SORCS3: variants seen among roughly 807,000 people sequenced by gnomAD.
SORCS3 encodes sortilin related VPS10 domain containing receptor 3.
SORCS3 carries 57 observed loss-of-function variants against 146.3 expected under a neutral mutation model. The ratio of observed to expected loss-of-function variants is 0.39; its 90% CI spans 0.31 to 0.49. The LOEUF is 0.49. SORCS3 is among the 20% of genes least tolerant of loss of function. The pLI, the probability that SORCS3 is intolerant of heterozygous loss-of-function variation, is 0.92. For missense variants in SORCS3, 1,341 were observed against 1,575.5 expected, an observed-to-expected ratio of 0.85 and a Z score of 2.52; for synonymous variants, 653 against 618.5, an observed-to-expected ratio of 1.06 and a Z score of -0.83.
chr10:104,719,995 C>CT (rs2016525939), intron 1 of SORCS3, among the ~76,000 whole-genome samples: 1 of 149,882 alleles, frequency 6.7e-6, no homozygotes, highest in Non-Finnish European at 1.5e-5. Context: ...TTTTTTTATA[C>CT]TTTAAGTTTT....
intron 2 of SORCS3, among the ~76,000 whole-genome samples, chr10:104,912,010 C>A (rs2018974265): frequency 6.6e-6 from 1 of 152,210 alleles, no homozygotes; most frequent in Non-Finnish European, 1.5e-5. Context: ...CTCTCCTCTG[C>A]CTCTGATAAA....
intron 3 of SORCS3, among the ~76,000 whole-genome samples, chr10:104,963,602 T>C (rs1238228098): frequency 6.6e-6 from 1 of 152,158 alleles, no homozygotes; most frequent in African/African-American, 2.4e-5. Context: ...CAGATTCATG[T>C]CTTTAAGTGT....
chr10:104,923,224 C>A (rs188929248), intron 3 of SORCS3, among the ~76,000 whole-genome samples: 110 of 152,308 alleles, frequency 7.2e-4, no homozygotes, highest in Non-Finnish European at 1.3e-3. Flanking sequence ...TTTGCAGTAC[C>A]ATGTGATGAT....
chr10:104,646,185 C>T (rs1444713922), intron 1 of SORCS3, among the ~76,000 whole-genome samples: 1 of 152,202 alleles, frequency 6.6e-6, no homozygotes, highest in Non-Finnish European at 1.5e-5. Context: ...TCAGTGATTT[C>T]TCTGATGGCT....
intron 1 of SORCS3, among the ~76,000 whole-genome samples, chr10:104,779,669 T>A (rs2017350425): frequency 6.6e-6 from 1 of 152,134 alleles, no homozygotes; most frequent in Non-Finnish European, 1.5e-5. Context: ...CCCTTAGATG[T>A]TGATCCTGCA....
chr10:105,264,481 G>C lies in SORCS3; in HGVS notation c.*1107G>C, dbSNP rs2056980116. 6.6e-6 allele frequency: 1 copy of C among 152,312 alleles called. No individual in the cohort carries two copies. The highest frequency in any genetic ancestry group is 2.1e-4 in the South Asian group (1 of 4,828). 9.4% of individuals were successfully genotyped at this position (152,312 alleles called of 1,614,324 possible). On this transcript the variant is annotated 3_prime_UTR_variant, in exon 27 of 27. Transcript: ENST00000369701. ...CTCAGAAAAGTCCCCTGGGCACTAG[G>C]TAAAGCCCAGTGAATGTCTCTTGGC...
intron 1 of SORCS3, among the ~76,000 whole-genome samples, chr10:104,760,353 A>G (rs1406546981): frequency 6.6e-6 from 1 of 152,226 alleles, no homozygotes; most frequent in African/African-American, 2.4e-5. Flanking sequence ...CCTGTTAATC[A>G]AACATTATTA....
chr10:104,669,775 T>C (rs965375969), intron 1 of SORCS3, among the ~76,000 whole-genome samples: 1 of 152,204 alleles, frequency 6.6e-6, no homozygotes, highest in Non-Finnish European at 1.5e-5. Flanking sequence ...GTGGAATTGC[T>C]ATATTATATT....
At chr10:104,678,086 CAATT>C (rs1208417182) in intron 1 of SORCS3, among the ~76,000 whole-genome samples, 1 of 152,022 alleles carries the variant, frequency 6.6e-6, no homozygotes, top group Non-Finnish European at 1.5e-5. Context: ...GGCCTTCAAA[CAATT>C]AAACAATTGT....
intron 1 of SORCS3, among the ~76,000 whole-genome samples, chr10:104,729,280 G>A (rs2016679472): frequency 6.6e-6 from 1 of 152,160 alleles, no homozygotes. Context: ...CATTTGAAAA[G>A]TCTCTCTAGA....
intron 1 of SORCS3, among the ~76,000 whole-genome samples, chr10:104,781,932 A>G (rs1307895753): frequency 6.6e-6 from 1 of 152,162 alleles, no homozygotes; most frequent in Non-Finnish European, 1.5e-5. Flanking sequence ...AAGAATGGAG[A>G]TGGAATTAAG....
intron 1 of SORCS3, among the ~76,000 whole-genome samples, chr10:104,810,223 T>A (rs1386786528): frequency 6.6e-6 from 1 of 152,228 alleles, no homozygotes; most frequent in Non-Finnish European, 1.5e-5. Flanking sequence ...AATAGGAGTA[T>A]CTGTTGTAAG....
chr10:104,785,740 C>A (rs529848153), intron 1 of SORCS3, among the ~76,000 whole-genome samples: 1 of 152,208 alleles, frequency 6.6e-6, no homozygotes, highest in South Asian at 2.1e-4. Flanking sequence ...CCATTCAATC[C>A]CATTCCATCT....
At chr10:104,867,883 C>G (rs1304803973) in intron 2 of SORCS3, among the ~76,000 whole-genome samples, 2 of 152,144 alleles carry the variant, frequency 1.3e-5, no homozygotes, top group Non-Finnish European at 1.5e-5. Context: ...CCAAAATTGA[C>G]CCATCAATGT....
intron 1 of SORCS3, among the ~76,000 whole-genome samples, chr10:104,787,959 T>C (rs1473598076): frequency 6.6e-6 from 1 of 152,176 alleles, no homozygotes; most frequent in Non-Finnish European, 1.5e-5. Flanking sequence ...ACATCTCAAA[T>C]TGAGAAGCCC....
At chr10:105,061,258 G>A (rs890837093) in intron 5 of SORCS3, among the ~76,000 whole-genome samples, 2 of 151,290 alleles carry the variant, frequency 1.3e-5, no homozygotes, top group Admixed American at 1.3e-4. Flanking sequence ...TTTTGTGGGG[G>A]TGAGGTAGGG....
chr10:105,157,464 C>G (rs1374438917), intron 10 of SORCS3, among the ~76,000 whole-genome samples, 180 bp downstream of exon 10: 4 of 152,122 alleles, frequency 2.6e-5, no homozygotes, highest in African/African-American at 9.7e-5. Flanking sequence ...GGGTGAAAGG[C>G]CCAGTTGAAT....
rs377336608 is a variant in SORCS3, at chr10:105,152,757, G to A, written c.1483-4381G>A. 4.1e-4 allele frequency among the ~76,000 whole-genome samples: 63 copies of A among 152,220 alleles called. No individual in the cohort carries two copies. The East Asian group carries it at 6.4e-3, about 15-fold the overall frequency. On this transcript the variant is annotated intron_variant, in intron 9 of 26. Coordinates refer to ENST00000369701, the MANE Select transcript of SORCS3 (RefSeq NM_014978.3). Reference sequence around the variant, plus strand: ...GGCTACTGTTTTGGATTGCACAGTCGTAAACAACTTATATATTTTTTTCTT... The same window carrying A: ...GGCTACTGTTTTGGATTGCACAGTCATAAACAACTTATATATTTTTTTCTT...
At chr10:104,818,878 G>T (rs2491388) in intron 1 of SORCS3, among the ~76,000 whole-genome samples, 114,714 of 151,966 alleles carry the variant, frequency 0.75, 43,352 homozygotes, top group East Asian at 0.83. Flanking sequence ...AGTACGGCAT[G>T]CATGACCGTG....
Sources: allele counts gnomAD v4.1 joint callset (sites outside exome capture counted in the v4.1 genomes callset), GRCh38; gene constraint gnomAD v4.1.1; transcripts MANE v1.5; gene names NCBI Gene and HGNC (gene_info 2026-07-23, HGNC 2026-07-21).